Variants in FOXK2 observed in about 807,000 individuals in gnomAD.
The protein encoded by FOXK2 is forkhead box K2.
A neutral mutation model predicts 53.3 loss-of-function variants in FOXK2; 24 were observed. The ratio of observed to expected loss-of-function variants is 0.45; its 90% CI spans 0.33 to 0.63. The LOEUF is 0.63. Among genes scored for constraint, FOXK2 ranks in the 30% least tolerant of loss-of-function variants. The pLI, the probability that FOXK2 is intolerant of heterozygous loss-of-function variation, is 0.03. For synonymous variants in FOXK2, 505 were observed against 407.1 expected (o/e 1.24, Z -2.89); for missense variants, 952 against 910.5 (o/e 1.05, Z -0.59).
intron 1 of FOXK2, among the ~76,000 whole-genome samples, chr17:82,530,122 ATGG>A (rs74186741): frequency 0.039 from 5,921 of 152,238 alleles, 125 homozygotes; most frequent in Non-Finnish European, 0.044. Flanking sequence ...GCTGTTTTTA[ATGG>A]TGTTTAGTCA....
At chr17:82,541,091 A>G (rs1455254092) in intron 1 of FOXK2, among the ~76,000 whole-genome samples, 3 of 152,054 alleles carry the variant, frequency 2.0e-5, no homozygotes, top group Non-Finnish European at 1.5e-5. Context: ...CTGTGTGAGC[A>G]GCTCCGTCTT....
chr17:82,576,300 C>T (rs72862372), intron 4 of FOXK2, among the ~76,000 whole-genome samples: 26,032 of 148,582 alleles, frequency 0.18, 2,790 homozygotes, highest in Non-Finnish European at 0.23. Flanking sequence ...CGTGTGTGCT[C>T]GGGGAAGGAC....
intron 8 of FOXK2, chr17:82,596,085 C>G: frequency 1.0e-6 from 1 of 956,908 alleles, no homozygotes; most frequent in Non-Finnish European, 1.3e-6. Flanking sequence ...TTTGTAGACA[C>G]ATTAGAGTCG....
chr17:82,525,905 GTGGCATGAATCCCACACTTTCTTTCTTAC>G (rs2044412899), intron 1 of FOXK2, among the ~76,000 whole-genome samples: 1 of 151,774 alleles, frequency 6.6e-6, no homozygotes, highest in Non-Finnish European at 1.5e-5. Flanking sequence ...TCTTTCTTAC[GTGGCATGAATCCCACACTTTCTTTCTTAC>G]GTGGCATGAA....
rs2045188921 is a variant in FOXK2 at position 82,587,089 on chromosome 17, G to A, written c.1603G>A (p.Gly535Ser). Residue 535 changes from glycine to serine, a missense_variant, in exon 8 of 9, where the codon GGC (glycine) becomes AGC (serine). Physicochemically the swap from Gly to Ser is moderately conservative, Grantham distance 56. This residue lies in a region of FOXK2 where 551 missense variants were observed against 385.1 expected (regional missense o/e 1.43). Transcript: ENST00000335255. ...GAAAGTAGAGCCTATTCCCGCCATT[G>A]GCCACGCCACGCTCGGCACTGCCAG... ...KVKVEPIPAI[G>S]HATLGTASRI... The A allele has an allele frequency of 6.3e-7, 1 of 1,594,256 alleles. No homozygotes were observed. The highest frequency in any genetic ancestry group is 1.3e-5 in the African/African-American group (1 of 74,300).
chr17:82,553,487 T>C (rs1016117332), intron 1 of FOXK2, among the ~76,000 whole-genome samples: 1 of 152,252 alleles, frequency 6.6e-6, no homozygotes, highest in Admixed American at 6.5e-5. Context: ...CTCCTCTGCA[T>C]GTCAAGGACA....
chr17:82,585,689 T>C (rs2045129000), intron 6 of FOXK2, among the ~76,000 whole-genome samples: 1 of 152,162 alleles, frequency 6.6e-6, no homozygotes, highest in Admixed American at 6.5e-5. Context: ...AGAGCCAAAA[T>C]TGCATTTTTA....
intron 1 of FOXK2, among the ~76,000 whole-genome samples, chr17:82,557,935 G>T (rs2044749292): frequency 6.6e-6 from 1 of 152,180 alleles, no homozygotes; most frequent in Admixed American, 6.5e-5. Flanking sequence ...TTACAGGTGT[G>T]AGCAACCGCG....
chr17:82,534,920 G>A (rs529337124), intron 1 of FOXK2, among the ~76,000 whole-genome samples: 2 of 152,270 alleles, frequency 1.3e-5, no homozygotes, highest in South Asian at 4.1e-4. Context: ...TTGCTCTGTC[G>A]CCCAGCTGGA....
intron 1 of FOXK2, among the ~76,000 whole-genome samples, chr17:82,533,948 G>A (rs1203482612): frequency 1.3e-5 from 2 of 150,696 alleles, no homozygotes; most frequent in Admixed American, 1.3e-4. Context: ...ATAGGGAGCC[G>A]AGATCACACC....
intron 1 of FOXK2, among the ~76,000 whole-genome samples, chr17:82,537,692 G>A (rs1457664492): frequency 2.0e-5 from 3 of 150,506 alleles, no homozygotes; most frequent in Admixed American, 1.3e-4. Context: ...TTTGGAGGCC[G>A]AGGCGGGCAG....
intron 1 of FOXK2, among the ~76,000 whole-genome samples, chr17:82,550,333 C>T (rs1203890868): frequency 6.6e-6 from 1 of 152,150 alleles, no homozygotes; most frequent in African/African-American, 2.4e-5. Flanking sequence ...CTGTTCACAC[C>T]CCACCAGGGA....
At chr17:82,546,202 C>T (rs2044624187) in intron 1 of FOXK2, among the ~76,000 whole-genome samples, 1 of 149,458 alleles carries the variant, frequency 6.7e-6, no homozygotes, top group Admixed American at 6.7e-5. Context: ...CAGCAACCTC[C>T]GCCTCCTGGG....
chr17:82,601,460 G>C lies in FOXK2; in HGVS notation c.1944G>C (p.Thr648=). 6.2e-7 allele frequency: 1 copy of C among 1,611,350 alleles called. No individual in the cohort carries two copies. Among genetic ancestry groups the C allele is most frequent in the South Asian group, 1.1e-5 (1 of 91,052 alleles). ...EGIVIALSVD[T]PPAAVREKGV... is the part of the protein sequence containing the mutation. ...TCGTCATTGCCCTGAGCGTGGACAC[G>C]CCACCGGCAGCCGTAAGGGAAAAGG... is the stretch of plus-strand genomic sequence containing the variant. The change falls in exon 9 of 9, where the codon ACG becomes ACC. Residue 648 remains threonine, a synonymous_variant. Transcript: ENST00000335255.
intron 8 of FOXK2, chr17:82,588,443 T>G: frequency 9.6e-6 from 1 of 103,698 alleles, no homozygotes; most frequent in South Asian, 1.6e-4. Context: ...GGGCAGGCGG[T>G]TGGAGGGCTG....
intron 1 of FOXK2, among the ~76,000 whole-genome samples, chr17:82,560,305 G>C (rs148559284): frequency 2.4e-4 from 36 of 152,236 alleles, no homozygotes; most frequent in African/African-American, 7.9e-4. Context: ...ACTGCGCCCG[G>C]CCCTTCTCGC....
At chr17:82,524,817 C>T (rs2044401127) in intron 1 of FOXK2, among the ~76,000 whole-genome samples, 1 of 152,116 alleles carries the variant, frequency 6.6e-6, no homozygotes, top group Non-Finnish European at 1.5e-5. Context: ...GTGGAGGTTG[C>T]CTCCCACGTG....
Position 82,576,979 on chromosome 17 carries a change from G to A in FOXK2, c.909+5109G>A, listed in dbSNP as rs1457867048. 3 of 389,224 alleles carry A rather than the reference G, an allele frequency of 7.7e-6. No homozygotes were observed. The Admixed American group carries it at 1.3e-4, about 16-fold the overall frequency. The allele number at this position is 389,224 out of a possible 1,614,324, so 24.1% of individuals were successfully genotyped here. Reference sequence around the variant, plus strand: ...GGTTCGAGACCAGATGACCAACACGGAGAAACTACATCTCTACTAAAAATA... The same window carrying A: ...GGTTCGAGACCAGATGACCAACACGAAGAAACTACATCTCTACTAAAAATA... On this transcript the variant is annotated intron_variant, in intron 4 of 8. Coordinates refer to ENST00000335255, the MANE Select transcript of FOXK2 (RefSeq NM_004514.4).
At chr17:82,546,500 A>G (rs537441845) in intron 1 of FOXK2, among the ~76,000 whole-genome samples, 11 of 152,112 alleles carry the variant, frequency 7.2e-5, no homozygotes, top group Non-Finnish European at 1.5e-4. Flanking sequence ...GTGGTGGGGA[A>G]GCTAGGAGTC....
Sources: gnomAD v4.1 joint callset for allele counts (sites outside exome capture counted in the v4.1 genomes callset) on GRCh38, gnomAD v4.1.1 for gene constraint, gnomAD v4.1.1 regional missense constraint, MANE v1.5 for transcripts, NCBI Gene and HGNC (gene_info 2026-07-23, HGNC 2026-07-21) for gene names.